The following CCDC7 variants were observed in gnomAD, a reference collection of about 807,000 sequenced individuals.
The protein encoded by CCDC7 is coiled-coil domain-containing protein 7.
In CCDC7, 183 loss-of-function variants were observed where a neutral mutation model predicts 196.9. The observed-to-expected ratio is 0.93, with a 90% CI of 0.82 to 1.05. The LOEUF is 1.05. Ranked by LOEUF, CCDC7 falls within the 50% of genes least tolerant of loss-of-function variation. The pLI is 0.00. For missense variants in CCDC7, 1,540 were observed against 1,482.2 expected (o/e 1.04, Z -0.64); for synonymous variants, 525 against 484.6 (o/e 1.08, Z -1.10).
At chr10:32,588,815 T>A (rs1333602002) in intron 18 of CCDC7, among the ~76,000 whole-genome samples, 2 of 152,098 alleles carry the variant, frequency 1.3e-5, no homozygotes, top group Non-Finnish European at 2.9e-5. Context: ...ACCGGTTCAA[T>A]TTTCTTACTA....
At chr10:32,741,887 G>T (rs888750631) in intron 28 of CCDC7, among the ~76,000 whole-genome samples, 1 of 151,972 alleles carries the variant, frequency 6.6e-6, no homozygotes, top group African/African-American at 2.4e-5. Context: ...ATTTAAATTT[G>T]TTATATCTTC....
intron 8 of CCDC7, among the ~76,000 whole-genome samples, chr10:32,490,944 G>T (rs1233230239): frequency 1.3e-5 from 2 of 152,082 alleles, no homozygotes; most frequent in Non-Finnish European, 2.9e-5. Context: ...AATCTTTGAG[G>T]AATATTGACT....
chr10:32,668,724 C>G (rs1033208868), intron 21 of CCDC7, among the ~76,000 whole-genome samples: 3 of 152,106 alleles, frequency 2.0e-5, no homozygotes, highest in Admixed American at 6.5e-5. Context: ...ATGAAGCCCA[C>G]TTGATCATGG....
intron 24 of CCDC7, among the ~76,000 whole-genome samples, chr10:32,696,330 A>G (rs2077721596): frequency 6.6e-6 from 1 of 151,972 alleles, no homozygotes; most frequent in Non-Finnish European, 1.5e-5. Context: ...CATGCCAGGG[A>G]TTTTGGGGAT....
At chr10:32,637,589 A>T in intron 20 of CCDC7, among the ~76,000 whole-genome samples, 1 of 152,098 alleles carries the variant, frequency 6.6e-6, no homozygotes, top group African/African-American at 2.4e-5. Flanking sequence ...ATTGGTCTAT[A>T]GCTCTGTTTT....
intron 9 of CCDC7, among the ~76,000 whole-genome samples, chr10:32,496,202 G>T (rs997919735): frequency 6.6e-6 from 1 of 152,072 alleles, no homozygotes. Context: ...TGTTCTTGGT[G>T]TATAGGAATA....
At chr10:32,798,024 A>T (rs1349973691) in intron 29 of CCDC7, among the ~76,000 whole-genome samples, 1 of 152,182 alleles carries the variant, frequency 6.6e-6, no homozygotes, top group South Asian at 2.1e-4. Flanking sequence ...TAAAGTGAAT[A>T]CCTTGGTCAG....
intron 24 of CCDC7, among the ~76,000 whole-genome samples, chr10:32,707,434 C>G (rs1048122176): frequency 6.6e-6 from 1 of 152,150 alleles, no homozygotes; most frequent in Non-Finnish European, 1.5e-5. Flanking sequence ...CCTCTCTCAC[C>G]ACGCCTATTC....
intron 18 of CCDC7, among the ~76,000 whole-genome samples, chr10:32,617,792 AT>A (rs111432430): frequency 0.14 from 21,571 of 151,886 alleles, 1,871 homozygotes; most frequent in African/African-American, 0.25. Flanking sequence ...TGTTCTGTAA[AT>A]GTCTATTAAG....
At chr10:32,639,629 GT>G (rs552548575) in intron 20 of CCDC7, among the ~76,000 whole-genome samples, 7,292 of 133,230 alleles carry the variant, frequency 0.055, 572 homozygotes, top group African/African-American at 0.19. Context: ...TTTCTGTTCT[GT>G]TTTTTTTTTT....
intron 24 of CCDC7, among the ~76,000 whole-genome samples, chr10:32,705,633 G>A (rs895617414): frequency 4.6e-5 from 7 of 152,018 alleles, no homozygotes; most frequent in African/African-American, 7.2e-5. Flanking sequence ...GATCTACCAA[G>A]AAAATGGAAA....
chr10:32,711,619 G>T lies in CCDC7; in HGVS notation c.2459-1G>T. The T allele has an allele frequency of 6.4e-7, 1 of 1,564,640 alleles. No individual in the cohort carries two copies. The highest frequency in any genetic ancestry group is 8.7e-7 in the Non-Finnish European group (1 of 1,150,606). ...GGGACTAAATTTCTCTCTTAACATA[G>T]CTCATGATGAAGAATCAGGTGAAAA... is the stretch of plus-strand genomic sequence containing the variant. On this transcript the variant is annotated splice_acceptor_variant, in intron 24 of 41. Coordinates refer to ENST00000639629, the Ensembl canonical transcript of CCDC7. LOFTEE classifies it high-confidence loss of function.
chr10:32,546,863 T>C (rs11008971), intron 13 of CCDC7, among the ~76,000 whole-genome samples: 15,981 of 152,210 alleles, frequency 0.1, 1,045 homozygotes, highest in South Asian at 0.25. Context: ...CAAGCTCAAG[T>C]GGATGTGATA....
chr10:32,720,095 A>G (rs1482819612), intron 25 of CCDC7, among the ~76,000 whole-genome samples: 1 of 152,208 alleles, frequency 6.6e-6, no homozygotes, highest in Non-Finnish European at 1.5e-5. Flanking sequence ...ATGCACACGT[A>G]TGTTTATTGC....
At chr10:32,707,689 A>G (rs893725864) in intron 24 of CCDC7, among the ~76,000 whole-genome samples, 39 of 152,238 alleles carry the variant, frequency 2.6e-4, no homozygotes, top group African/African-American at 8.9e-4. Context: ...AGACAAACAG[A>G]GAGCCAAATC....
rs536299156 is a variant in CCDC7, at chr10:32,756,447, A to G, written c.2906-22530A>G. 1.5e-3 allele frequency among the ~76,000 whole-genome samples: 227 copies of G among 152,338 alleles called. 2 individuals carry two copies. The highest frequency in any genetic ancestry group is 5.2e-3 in the African/African-American group (216 of 41,578). The stretch of plus-strand genomic sequence containing the variant: ...TATAAGCCAGAAGAGAGTGGGGGCC[A>G]ATATTCAACATTCTTAAAGAATTTT... On this transcript the variant is annotated intron_variant, in intron 28 of 41. Transcript: ENST00000639629.
rs145776255 is a variant in CCDC7 at position 32,781,674 on chromosome 10, A to C, written c.3013+2590A>C. On this transcript the variant is annotated intron_variant, in intron 29 of 41. Transcript: ENST00000639629. The stretch of plus-strand genomic sequence containing the variant: ...TCCACATCATGATAAAAAGCCAAAT[A>C]CAAAAAATCCACAACTAACATCATA... Among the ~76,000 whole-genome samples, 22 of 152,320 alleles carry C rather than the reference A, an allele frequency of 1.4e-4. 1 individual carries two copies. The East Asian group carries it at 4.2e-3, about 29-fold the overall frequency.
chr10:32,673,916 G>T (rs1217828563), intron 21 of CCDC7, among the ~76,000 whole-genome samples: 1 of 151,844 alleles, frequency 6.6e-6, no homozygotes, highest in Non-Finnish European at 1.5e-5. Context: ...GTTCATAATA[G>T]TCATTTGTGA....
intron 18 of CCDC7, among the ~76,000 whole-genome samples, chr10:32,611,777 A>G (rs548414417): frequency 3.3e-5 from 5 of 152,140 alleles, no homozygotes; most frequent in African/African-American, 1.2e-4. Flanking sequence ...CCATTGATCT[A>G]TACATCTGTT....
Sources: gnomAD v4.1 joint callset for allele counts (sites outside exome capture counted in the v4.1 genomes callset) on GRCh38, gnomAD v4.1.1 for gene constraint, MANE v1.5 for transcripts, NCBI Gene and HGNC (gene_info 2026-07-23, HGNC 2026-07-21) for gene names.